Variants in TOPBP1 observed in about 807,000 individuals in gnomAD.
TOPBP1 encodes DNA topoisomerase II binding protein 1, also known as DNA topoisomerase 2-binding protein 1.
In TOPBP1, 28 loss-of-function variants were observed where a neutral mutation model predicts 167.7. The observed-to-expected ratio is 0.17, with a 90% CI of 0.12 to 0.23. The LOEUF (loss-of-function observed/expected upper bound fraction) is 0.23. Among genes scored for constraint, TOPBP1 ranks in the 10% least tolerant of loss-of-function variants. The probability of loss-of-function intolerance (pLI) is 1.00; values close to 1 mark genes in which losing one functional copy is unlikely to be tolerated. For missense variants in TOPBP1, 1,554 were observed against 1,809.6 expected, an observed-to-expected ratio of 0.86 and a Z score of 2.56; for synonymous variants, 598 against 611.4, an observed-to-expected ratio of 0.98 and a Z score of 0.32.
In TOPBP1 at chr3:133,603,696, A is replaced by ACATG. The variant is rs1216303841; in HGVS notation, c.4426-2304_4426-2303insCATG. Among the ~76,000 whole-genome samples, 91 of 149,226 alleles carry ACATG rather than the reference A, an allele frequency of 6.1e-4. 3 individuals carry two copies. The highest frequency in any genetic ancestry group is 3.6e-3 in the Middle Eastern group (1 of 278). On this transcript the variant is annotated intron_variant, in intron 27 of 27. Coordinates refer to ENST00000260810, the MANE Select transcript of TOPBP1 (RefSeq NM_007027.4). ...CAACAAAGTTTGAAATAAATGGGGT[A>ACATG]AAAGCTGACAAAATTAAAGAGAAAA... is the stretch of plus-strand genomic sequence containing the variant.
At chr3:133,646,393 G>A (rs1221915426) in intron 10 of TOPBP1, among the ~76,000 whole-genome samples, 1 of 152,082 alleles carries the variant, frequency 6.6e-6, no homozygotes, top group Admixed American at 6.5e-5. Flanking sequence ...GCTCAAGCCT[G>A]TAATCCCAAC....
chr3:133,657,985 C>A lies in TOPBP1; in HGVS notation c.220-44G>T. 2.1e-6 allele frequency: 3 copies of A among 1,426,378 alleles called. No individual in the cohort carries two copies. The South Asian group carries it at 4.7e-5, about 22-fold the overall frequency. 88.4% of individuals were successfully genotyped at this position (1,426,378 alleles called of 1,614,324 possible). ...TTTAAATGAGTTAAGAAGGAAAAGA[C>A]CACCAGTCTTACAAAATTACATTTT... On this transcript the variant is annotated intron_variant, in intron 3 of 27. Coordinates refer to ENST00000260810, the MANE Select transcript of TOPBP1 (RefSeq NM_007027.4).
rs748148898 is a variant in TOPBP1, at chr3:133,644,201, T to C, written c.1667A>G (p.Lys556Arg). 1 of 1,613,912 alleles carries C rather than the reference T, an allele frequency of 6.2e-7. No individual in the cohort carries two copies. Among genetic ancestry groups the C allele is most frequent in the South Asian group, 1.1e-5 (1 of 91,074 alleles). Residue 556 changes from lysine to arginine, a missense_variant, in exon 11 of 28, where the codon AAG becomes AGG. Lys to Arg is a conservative substitution (Grantham distance 26). Around this residue, in one of 3 missense-constraint regions of TOPBP1, gnomAD observed 1,197 missense variants for 1,351.5 expected, o/e 0.89. Coordinates refer to ENST00000260810, the MANE Select transcript of TOPBP1 (RefSeq NM_007027.4). ...ACTAAAACCCAAAACAAGGAAACTC[T>C]TTTGGCTAAATAAGCCTTCTTCAGT... is the stretch of plus-strand genomic sequence containing the variant. ...TITEEGLFSQKSFLVLGFSNE... is the reference protein window; with the variant it reads ...TITEEGLFSQRSFLVLGFSNE...
intron 27 of TOPBP1, among the ~76,000 whole-genome samples, chr3:133,606,571 C>A (rs75543684): frequency 1.4e-5 from 2 of 140,676 alleles, no homozygotes; most frequent in African/African-American, 5.4e-5. Flanking sequence ...GGACATGGAA[C>A]AGCTAAATAA....
At chr3:133,661,189 G>T (rs1177181254) in intron 1 of TOPBP1, 55 bp from the exon 2 acceptor site, 1 of 1,368,532 alleles carries the variant, frequency 7.3e-7, no homozygotes, top group East Asian at 2.6e-5. Context: ...ATAAAAAGTT[G>T]CATGTTTAAC....
intron 12 of TOPBP1, among the ~76,000 whole-genome samples, chr3:133,641,231 T>G (rs944057337): frequency 1.3e-5 from 2 of 152,242 alleles, no homozygotes; most frequent in Non-Finnish European, 2.9e-5. Flanking sequence ...GTCTTCCTTA[T>G]ATATATTTGA....
At chr3:133,628,513 T>C (rs1935348136) in intron 15 of TOPBP1, 42 bp from the exon 16 acceptor site, 4 of 1,604,904 alleles carry the variant, frequency 2.5e-6, no homozygotes, top group Middle Eastern at 1.7e-4. Context: ...TCATTATTGT[T>C]TGAAATGTTA....
chr3:133,617,238 G>A lies in TOPBP1; in HGVS notation c.3681C>T (p.His1227=). 1 of 1,613,926 alleles carries A rather than the reference G, an allele frequency of 6.2e-7. No homozygotes were observed. The highest frequency in any genetic ancestry group is 8.5e-7 in the Non-Finnish European group (1 of 1,179,860). The part of the protein sequence containing the change: ...EELETPIKDS[H]LIPTPQAPSI... The stretch of plus-strand genomic sequence containing the variant: ...TGGGGGCTTGAGGCGTAGGGATCAG[G>A]TGGCTGTCTTTTATGGGAGTTTCCA... Residue 1227 remains histidine (H), a synonymous_variant, in exon 22 of 28, where the codon CAC becomes CAT. Coordinates refer to ENST00000260810, the MANE Select transcript of TOPBP1 (RefSeq NM_007027.4).
rs1175413011 is a variant in TOPBP1 at position 133,657,848 on chromosome 3, C to A, written c.313G>T (p.Val105Phe). 1.3e-6 allele frequency: 2 copies of A among 1,599,764 alleles called. No individual in the cohort carries two copies. The highest frequency in any genetic ancestry group is 1.7e-6 in the Non-Finnish European group (2 of 1,174,764). Residue 105 changes from valine (V) to phenylalanine (F), a missense_variant, in exon 4 of 28, where the codon GTT becomes TTT. Coordinates refer to ENST00000260810, the MANE Select transcript of TOPBP1 (RefSeq NM_007027.4). ...CAAGATATGGTTACATCAGACATAACCATATTATAAACTGGATGTTCGGCT... is the reference window on the plus strand; with the variant it reads ...CAAGATATGGTTACATCAGACATAAACATATTATAAACTGGATGTTCGGCT... ...PRAEHPVYNMVMSDVTISCTS... is the reference protein window; with the variant it reads ...PRAEHPVYNMFMSDVTISCTS...
rs1217050631 is a variant in TOPBP1 at position 133,608,799 on chromosome 3, G to C, written c.4263+74C>G. 5 of 1,564,908 alleles carry C rather than the reference G, an allele frequency of 3.2e-6. No homozygotes were observed. The East Asian group carries it at 1.1e-4, about 35-fold the overall frequency. The stretch of plus-strand genomic sequence containing the variant: ...TACCATTTCAAAAAGTAGAGAAAAT[G>C]AAGAACTCATCATAGCAATCTTGGT... On this transcript the variant is annotated intron_variant, in intron 26 of 27. Transcript: ENST00000260810.
chr3:133,642,781 T>C (rs1413458590), intron 12 of TOPBP1, among the ~76,000 whole-genome samples: 1 of 152,210 alleles, frequency 6.6e-6, no homozygotes, highest in Non-Finnish European at 1.5e-5. Flanking sequence ...AACTTTGTCG[T>C]ATCCACTATC....
At chr3:133,638,273 C>A in intron 13 of TOPBP1, 111 bp from the exon 14 acceptor site, 1 of 1,056,950 alleles carries the variant, frequency 9.5e-7, no homozygotes, top group East Asian at 2.6e-5. Flanking sequence ...TCTTGCATAA[C>A]TCCTGGGCTC....
rs183271158 is a variant in TOPBP1 at position 133,608,630 on chromosome 3, G to C, written c.4330C>G (p.Leu1444Val). Reference protein sequence around the residue: ...ATHLFSDLNKLKPDDSGVNIA... With the variant: ...ATHLFSDLNKVKPDDSGVNIA... ...TTAACTCCTGAGTCATCTGGTTTCAGTTTATTCAAGTCAGAAAAAAGATGT... is the reference window on the plus strand; with the variant it reads ...TTAACTCCTGAGTCATCTGGTTTCACTTTATTCAAGTCAGAAAAAAGATGT... The change falls in exon 27 of 28, where the codon CTG (leucine) becomes GTG (valine). Residue 1444 changes from leucine to valine, a missense_variant. By Grantham distance (32) the Leu-to-Val change is conservative (BLOSUM62 1). Transcript: ENST00000260810. The C allele has an allele frequency of 1.7e-5, 27 of 1,613,740 alleles. No homozygotes were observed. The highest frequency in any genetic ancestry group is 4.0e-5 in the African/African-American group (3 of 75,040).
At chr3:133,603,978 T>A (rs1483929452) in intron 27 of TOPBP1, among the ~76,000 whole-genome samples, 1 of 151,854 alleles carries the variant, frequency 6.6e-6, no homozygotes, top group Non-Finnish European at 1.5e-5. Flanking sequence ...TATAGAGTAT[T>A]TTCTGTGATT....
At chr3:133,653,579 A>T in intron 6 of TOPBP1, 55 bp from the exon 7 acceptor site, 1 of 1,382,528 alleles carries the variant, frequency 7.2e-7, no homozygotes, top group Non-Finnish European at 9.6e-7. Flanking sequence ...AAGAAATGAA[A>T]ACCATTACAA....
chr3:133,636,834 C>T (rs1207267332), intron 14 of TOPBP1, among the ~76,000 whole-genome samples: 1 of 152,154 alleles, frequency 6.6e-6, no homozygotes, highest in Non-Finnish European at 1.5e-5. Flanking sequence ...TCACAGTTCT[C>T]AAGACTGATT....
At chr3:133,643,914 C>G in intron 11 of TOPBP1, 106 bp downstream of exon 11, 1 of 1,181,066 alleles carries the variant, frequency 8.5e-7, no homozygotes, top group Non-Finnish European at 1.2e-6. Flanking sequence ...GTGTTCAAGT[C>G]CAAGCATTGA....
At chr3:133,644,419 T>C in intron 10 of TOPBP1, 56 bp from the exon 11 acceptor site, 1 of 1,414,710 alleles carries the variant, frequency 7.1e-7, no homozygotes. Flanking sequence ...ACAGTTTACT[T>C]CCTAGCAAGG....
At position 133,603,591 on chromosome 3, in the gene TOPBP1, G is replaced by A. The variant is rs373434276; in HGVS notation, c.4426-2198C>T. 2.1e-4 allele frequency among the ~76,000 whole-genome samples: 32 copies of A among 152,204 alleles called. 1 individual carries two copies. Among genetic ancestry groups the A allele is most frequent in the Non-Finnish European group, 2.8e-4 (19 of 68,016 alleles). On this transcript the variant is annotated intron_variant, in intron 27 of 27. Coordinates refer to ENST00000260810, the MANE Select transcript of TOPBP1 (RefSeq NM_007027.4). The stretch of plus-strand genomic sequence containing the variant: ...ACCTCAGATAATGTACATTCAAGGC[G>A]GAGTAAGCCCAGAGATACGTGTTAT...
Sources: gnomAD v4.1 joint callset for allele counts (sites outside exome capture counted in the v4.1 genomes callset) on GRCh38, gnomAD v4.1.1 for gene constraint, gnomAD v4.1.1 regional missense constraint, MANE v1.5 for transcripts, NCBI Gene and HGNC (gene_info 2026-07-23, HGNC 2026-07-21) for gene names.